LMTK2: variants seen among roughly 807,000 people sequenced by gnomAD.
The protein encoded by LMTK2 is serine/threonine-protein kinase LMTK2.
A neutral mutation model predicts 127.5 loss-of-function variants in LMTK2; 37 were observed. The observed-to-expected ratio is 0.29, with a 90% CI of 0.22 to 0.38. The LOEUF is 0.38. Among genes scored for constraint, LMTK2 ranks in the 10% least tolerant of loss-of-function variants. LMTK2 has a pLI of 1.00. For missense variants in LMTK2, 1,694 were observed against 1,920.3 expected (o/e 0.88, Z 2.20); for synonymous variants, 819 against 810.1 (o/e 1.01, Z -0.19).
intron 6 of LMTK2, among the ~76,000 whole-genome samples, chr7:98,164,828 G>C (rs1469480095): frequency 6.6e-6 from 1 of 152,166 alleles, no homozygotes; most frequent in East Asian, 1.9e-4. Flanking sequence ...ACTAACCTTT[G>C]CCACATCCTA....
chr7:98,149,245 C>T (rs1156466899), intron 3 of LMTK2, among the ~76,000 whole-genome samples: 1 of 152,168 alleles, frequency 6.6e-6, no homozygotes, highest in African/African-American at 2.4e-5. Flanking sequence ...CCTGGGAACA[C>T]AGGTCATCTT....
At chr7:98,164,350 G>A (rs1021321084) in intron 6 of LMTK2, among the ~76,000 whole-genome samples, 1 of 152,180 alleles carries the variant, frequency 6.6e-6, no homozygotes, top group Admixed American at 6.5e-5. Context: ...GGAGCTGCCT[G>A]GTGCTTTAAG....
chr7:98,185,003 T>C, intron 7 of LMTK2, 48 bp from the exon 8 acceptor site: 1 of 1,358,842 alleles, frequency 7.4e-7, no homozygotes, highest in Non-Finnish European at 1.1e-6. Flanking sequence ...TACAGCATGA[T>C]CCTGGTTGTT....
intron 1 of LMTK2, among the ~76,000 whole-genome samples, chr7:98,114,654 C>T (rs1035613939): frequency 3.3e-5 from 5 of 152,144 alleles, no homozygotes; most frequent in Non-Finnish European, 5.9e-5. Flanking sequence ...TGAAGGGAGA[C>T]GGTCGCATCG....
At chr7:98,150,299 C>A (rs1450148159) in intron 3 of LMTK2, among the ~76,000 whole-genome samples, 17 of 140,602 alleles carry the variant, frequency 1.2e-4, no homozygotes, top group Admixed American at 6.7e-4. Flanking sequence ...CAGAGCGAGA[C>A]CCTGTCTCAA....
At chr7:98,189,106 T>C (rs1562919237) in intron 9 of LMTK2, among the ~76,000 whole-genome samples, 1 of 152,160 alleles carries the variant, frequency 6.6e-6, no homozygotes, top group Non-Finnish European at 1.5e-5. Flanking sequence ...GTATTTCTTT[T>C]TATTTCATTT....
chr7:98,198,032 T>G (rs1207191996), intron 11 of LMTK2, among the ~76,000 whole-genome samples: 1 of 152,174 alleles, frequency 6.6e-6, no homozygotes, highest in Admixed American at 6.5e-5. Context: ...ATTATGTAGA[T>G]TTGTTGATCT....
intron 1 of LMTK2, 66 bp downstream of exon 1, chr7:98,107,346 G>A: frequency 1.0e-6 from 1 of 993,630 alleles, no homozygotes. Flanking sequence ...GGGCGGCAGG[G>A]CCGGGCCGGC....
intron 3 of LMTK2, among the ~76,000 whole-genome samples, chr7:98,148,081 AG>A (rs2116381138): frequency 6.6e-6 from 1 of 152,250 alleles, no homozygotes; most frequent in Non-Finnish European, 1.5e-5. Context: ...CTGTAGTCCC[AG>A]CTACTCAGGA....
At chr7:98,112,558 A>G (rs996067167) in intron 1 of LMTK2, among the ~76,000 whole-genome samples, 1 of 152,246 alleles carries the variant, frequency 6.6e-6, no homozygotes, top group Non-Finnish European at 1.5e-5. Flanking sequence ...TGGCTACGGC[A>G]TTGGACAGCA....
At chr7:98,180,777 C>A (rs546878166) in intron 7 of LMTK2, among the ~76,000 whole-genome samples, 5 of 152,242 alleles carry the variant, frequency 3.3e-5, no homozygotes, top group Non-Finnish European at 5.9e-5. Context: ...CAGACTATTA[C>A]TAGACTATTA....
intron 6 of LMTK2, among the ~76,000 whole-genome samples, chr7:98,163,454 G>A (rs746546172): frequency 6.6e-6 from 1 of 152,126 alleles, no homozygotes; most frequent in Non-Finnish European, 1.5e-5. Flanking sequence ...TAAACACAGG[G>A]TGCCACCAAC....
Position 98,193,703 on chromosome 7 carries a change from G to C in LMTK2, c.3238G>C (p.Asp1080His). 19 of 1,613,760 alleles carry C rather than the reference G, an allele frequency of 1.2e-5. No homozygotes were observed. The highest frequency in any genetic ancestry group is 1.6e-5 in the Non-Finnish European group (19 of 1,179,998). ...NPVIVISDAG[D>H]GHRGTEVTPE... ...GGTCATTGTCATCTCAGATGCCGGCGATGGTCACAGAGGCACAGAAGTGAC... is the reference window on the plus strand; with the variant it reads ...GGTCATTGTCATCTCAGATGCCGGCCATGGTCACAGAGGCACAGAAGTGAC... Residue 1080 changes from aspartate (D) to histidine (H), a missense_variant, in exon 11 of 14, where the codon GAT becomes CAT. Coordinates refer to ENST00000297293, the MANE Select transcript of LMTK2 (RefSeq NM_014916.4). The surrounding 1 kb of genome is among the most constrained non-coding windows in gnomAD (Gnocchi z 4.1).
At chr7:98,152,880 G>A (rs1796877527) in intron 4 of LMTK2, among the ~76,000 whole-genome samples, 1 of 152,166 alleles carries the variant, frequency 6.6e-6, no homozygotes, top group Non-Finnish European at 1.5e-5. Flanking sequence ...TAGCGGTGGA[G>A]GTGGCAAGAA....
intron 1 of LMTK2, among the ~76,000 whole-genome samples, chr7:98,131,159 A>G (rs776396359): frequency 1.3e-5 from 2 of 152,170 alleles, no homozygotes; most frequent in Non-Finnish European, 1.5e-5. Context: ...TCTCCAAAAG[A>G]TAAGGACTAC....
At chr7:98,196,645 C>A (rs913786464) in intron 11 of LMTK2, among the ~76,000 whole-genome samples, 2 of 152,160 alleles carry the variant, frequency 1.3e-5, no homozygotes, top group Non-Finnish European at 2.9e-5. Context: ...GGAGAAAACT[C>A]CCTGGGGCCG....
intron 2 of LMTK2, among the ~76,000 whole-genome samples, chr7:98,140,709 T>A (rs1796684557): frequency 6.6e-6 from 1 of 152,160 alleles, no homozygotes; most frequent in Admixed American, 6.5e-5. Context: ...AACTTTAAAA[T>A]AAAATGATTT....
chr7:98,145,155 A>G (rs373244167), intron 3 of LMTK2, among the ~76,000 whole-genome samples: 1 of 152,262 alleles, frequency 6.6e-6, no homozygotes, highest in African/African-American at 2.4e-5. Context: ...ATTGCTTTTG[A>G]AGCTAAATTG....
At chr7:98,190,374 G>A (rs924485783) in intron 9 of LMTK2, among the ~76,000 whole-genome samples, 2 of 152,224 alleles carry the variant, frequency 1.3e-5, no homozygotes, top group Non-Finnish European at 2.9e-5. Context: ...CTGAGGTCAG[G>A]ACTTTGAGAG....
Sources: gnomAD v4.1 joint callset for allele counts (sites outside exome capture counted in the v4.1 genomes callset) on GRCh38, gnomAD v4.1.1 for gene constraint, Gnocchi (gnomAD v3.1) non-coding constraint, MANE v1.5 for transcripts, NCBI Gene and HGNC (gene_info 2026-07-23, HGNC 2026-07-21) for gene names.